PLCB1: variants seen among roughly 807,000 people sequenced by gnomAD.
PLCB1 encodes phospholipase C beta 1.
PLCB1 carries 46 observed loss-of-function variants against 161.8 expected under a neutral mutation model. The observed-to-expected ratio is 0.28, with a 90% CI of 0.22 to 0.36. PLCB1 has a LOEUF of 0.36. Ranked by LOEUF, PLCB1 falls within the 10% of genes least tolerant of loss-of-function variation. The pLI is 1.00. For missense variants in PLCB1, 1,016 were observed against 1,472.5 expected, an observed-to-expected ratio of 0.69 and a Z score of 5.07; for synonymous variants, 517 against 503.7, an observed-to-expected ratio of 1.03 and a Z score of -0.35.
At chr20:8,312,274 C>T (rs1410219990) in intron 2 of PLCB1, among the ~76,000 whole-genome samples, 1 of 152,124 alleles carries the variant, frequency 6.6e-6, no homozygotes, top group African/African-American at 2.4e-5. Flanking sequence ...GCATACAATT[C>T]TTCTACCCCG....
chr20:8,200,238 G>A lies in PLCB1; in HGVS notation c.177+49867G>A, dbSNP rs533604539. Among the ~76,000 whole-genome samples the A allele has an allele frequency of 6.7e-4, 102 of 151,886 alleles. 2 individuals are homozygous for A. Among genetic ancestry groups the A allele is most frequent in the Non-Finnish European group, 5.2e-4 (35 of 67,884 alleles). On this transcript the variant is annotated intron_variant, in intron 2 of 31. Transcript: ENST00000338037. ...ATCAATATTTTTCTTCCTGGGTATT[G>A]TTTTTGCAGCATACTAGAAAATCCA...
intron 3 of PLCB1, among the ~76,000 whole-genome samples, chr20:8,568,699 A>G (rs1328439943): frequency 6.6e-6 from 1 of 152,104 alleles, no homozygotes; most frequent in Admixed American, 6.6e-5. Context: ...GAAGAATTCA[A>G]ATGTTCAGCA....
chr20:8,241,231 A>G (rs1170302858), intron 2 of PLCB1, among the ~76,000 whole-genome samples: 1 of 152,042 alleles, frequency 6.6e-6, no homozygotes, highest in East Asian at 1.9e-4. Flanking sequence ...ATCTACTTGA[A>G]AAATTAAGCC....
At chr20:8,805,631 CAT>C (rs1003362698) in intron 31 of PLCB1, among the ~76,000 whole-genome samples, 4 of 152,322 alleles carry the variant, frequency 2.6e-5, no homozygotes, top group East Asian at 1.9e-4. Context: ...AAGCACATAA[CAT>C]GTGTTATCTT....
chr20:8,324,395 A>G (rs1304132845), intron 2 of PLCB1, among the ~76,000 whole-genome samples: 2 of 152,224 alleles, frequency 1.3e-5, no homozygotes, highest in Admixed American at 6.5e-5. Flanking sequence ...AGGAAATTAT[A>G]AACAATAGGC....
intron 7 of PLCB1, among the ~76,000 whole-genome samples, chr20:8,656,496 A>G (rs1470263024): frequency 2.0e-5 from 3 of 152,060 alleles, no homozygotes; most frequent in Non-Finnish European, 2.9e-5. Flanking sequence ...AAAGGCTTGA[A>G]TACATGCTTC....
chr20:8,403,498 T>A (rs1978651614), intron 3 of PLCB1, among the ~76,000 whole-genome samples: 1 of 152,180 alleles, frequency 6.6e-6, no homozygotes, highest in Admixed American at 6.5e-5. Context: ...TAGATTTTAA[T>A]TTGCCCAGTG....
intron 2 of PLCB1, among the ~76,000 whole-genome samples, chr20:8,290,375 G>A (rs1600290666): frequency 6.6e-6 from 1 of 152,144 alleles, no homozygotes; most frequent in East Asian, 1.9e-4. Context: ...AAGCCAAATA[G>A]GGGATGCATT....
At chr20:8,726,095 A>G (rs924069886) in intron 16 of PLCB1, among the ~76,000 whole-genome samples, 4 of 152,144 alleles carry the variant, frequency 2.6e-5, no homozygotes, top group African/African-American at 9.7e-5. Context: ...ATCATTAAGA[A>G]GAACGAGGTT....
At chr20:8,269,496 T>G (rs1380332078) in intron 2 of PLCB1, among the ~76,000 whole-genome samples, 1 of 152,216 alleles carries the variant, frequency 6.6e-6, no homozygotes, top group Non-Finnish European at 1.5e-5. Context: ...TATGCTATTT[T>G]TACTTGTAGA....
intron 3 of PLCB1, among the ~76,000 whole-genome samples, chr20:8,425,754 T>G (rs1028556673): frequency 1.3e-5 from 2 of 152,178 alleles, no homozygotes; most frequent in Admixed American, 1.3e-4. Flanking sequence ...GTGGTCTAAG[T>G]GCAAAACAAT....
At chr20:8,435,532 T>C (rs1457126530) in intron 3 of PLCB1, among the ~76,000 whole-genome samples, 4 of 152,186 alleles carry the variant, frequency 2.6e-5, no homozygotes, top group Admixed American at 2.6e-4. Context: ...TAGTGGCTCT[T>C]TTGGAGAAGC....
intron 23 of PLCB1, chr20:8,750,783 G>C (rs1369235974): frequency 7.9e-7 from 1 of 1,263,880 alleles, no homozygotes; most frequent in Middle Eastern, 2.2e-4. Flanking sequence ...GCTACTTTCT[G>C]ACAATATTTG....
Position 8,650,273 on chromosome 20 carries a change from CAG to C in PLCB1, c.594+825_594+826del, listed in dbSNP as rs555597237. ...GGACCAAATTAAGGACCAGCTAAAA[CAG>C]GGGGAGCGGAAGCAGCTTTCCATAA... is the stretch of plus-strand genomic sequence containing the variant. On this transcript the variant is annotated intron_variant, in intron 7 of 31. Transcript: ENST00000338037. 1.6e-4 allele frequency among the ~76,000 whole-genome samples: 25 copies of C among 152,068 alleles called. No homozygotes were observed. The East Asian group carries it at 4.1e-3, about 25-fold the overall frequency.
Position 8,741,534 on chromosome 20 carries a change from T to A in PLCB1, c.2484T>A (p.Ala828=). Reference sequence around the variant, plus strand: ...TGGAACAGAGAGCTAAGCAATTGGCTGCTTTGACACTGGAAGATGAAGAAG... The same window carrying A: ...TGGAACAGAGAGCTAAGCAATTGGCAGCTTTGACACTGGAAGATGAAGAAG... ...NLMEQRAKQL[A]ALTLEDEEEV... is the part of the protein sequence containing the mutation. Residue 828 remains alanine, a synonymous_variant, in exon 23 of 32, where the codon GCT becomes GCA. Transcript: ENST00000338037. The A allele has an allele frequency of 6.2e-7, 1 of 1,613,710 alleles. No homozygotes were observed. The highest frequency in any genetic ancestry group is 8.5e-7 in the Non-Finnish European group (1 of 1,179,620).
At chr20:8,324,846 G>T (rs2122172644) in intron 2 of PLCB1, among the ~76,000 whole-genome samples, 1 of 152,244 alleles carries the variant, frequency 6.6e-6, no homozygotes, top group African/African-American at 2.4e-5. Context: ...CTGCTTCTAG[G>T]GAAACATAAA....
At chr20:8,467,763 C>G (rs1429988054) in intron 3 of PLCB1, among the ~76,000 whole-genome samples, 1 of 152,066 alleles carries the variant, frequency 6.6e-6, no homozygotes, top group Admixed American at 6.6e-5. Flanking sequence ...GGATTTTTAT[C>G]AGAACATGTG....
At chr20:8,702,538 C>T (rs1978425189) in intron 11 of PLCB1, among the ~76,000 whole-genome samples, 1 of 152,172 alleles carries the variant, frequency 6.6e-6, no homozygotes. Flanking sequence ...GATGCAGTTT[C>T]ACTGCTACCT....
At chr20:8,343,489 A>G (rs1024662010) in intron 2 of PLCB1, among the ~76,000 whole-genome samples, 6 of 152,182 alleles carry the variant, frequency 3.9e-5, no homozygotes, top group African/African-American at 9.6e-5. Flanking sequence ...AGATTATTGT[A>G]GTAGCCCGTG....
Sources: allele counts gnomAD v4.1 joint callset (sites outside exome capture counted in the v4.1 genomes callset), GRCh38; gene constraint gnomAD v4.1.1; transcripts MANE v1.5; gene names NCBI Gene and HGNC (gene_info 2026-07-23, HGNC 2026-07-21).